MIB1: variants seen among roughly 807,000 people sequenced by gnomAD.
MIB1 encodes the protein E3 ubiquitin-protein ligase MIB1.
MIB1 carries 278 observed loss-of-function variants against 124.5 expected under a neutral mutation model. That is an observed-to-expected ratio of 2.23 (90% CI 2.02 to 2.47). MIB1 has a LOEUF of 2.47. Ranked by LOEUF, MIB1 falls within the 30% of genes most tolerant of loss-of-function variation. MIB1 has a pLI of 0.00. For missense variants in MIB1, 957 were observed against 1,254.4 expected (o/e 0.76, Z 3.58); for synonymous variants, 446 against 429.4 (o/e 1.04, Z -0.48).
intron 7 of MIB1, among the ~76,000 whole-genome samples, chr18:21,792,744 G>A (rs889076928): frequency 6.6e-6 from 1 of 152,144 alleles, no homozygotes; most frequent in Non-Finnish European, 1.5e-5. Context: ...TAAAGATGAG[G>A]AAATCAGAGG....
Position 21,761,435 on chromosome 18 carries a change from T to A in MIB1, c.230-4337T>A, listed in dbSNP as rs74566414. On this transcript the variant is annotated intron_variant, in intron 1 of 20. Coordinates refer to ENST00000261537, the MANE Select transcript of MIB1 (RefSeq NM_020774.4). ...CTGAAATACAGGTATACCTCTGTTTTATATAGGCATTATACACAGTTCTAT... is the reference window on the plus strand; with the variant it reads ...CTGAAATACAGGTATACCTCTGTTTAATATAGGCATTATACACAGTTCTAT... 7.3e-3 allele frequency among the ~76,000 whole-genome samples: 1,111 copies of A among 152,300 alleles called. 14 individuals carry two copies. Among genetic ancestry groups the A allele is most frequent in the African/African-American group, 0.025 (1,046 of 41,554 alleles).
At chr18:21,821,137 A>G (rs1158410850) in intron 12 of MIB1, among the ~76,000 whole-genome samples, 1 of 152,108 alleles carries the variant, frequency 6.6e-6, no homozygotes, top group Non-Finnish European at 1.5e-5. Context: ...TACTCACCAC[A>G]TTTACCTAGA....
Position 21,799,923 on chromosome 18 carries a change from C to T in MIB1, c.1320C>T (p.Ala440=), listed in dbSNP as rs2146454635. 1 of 1,612,198 alleles carries T rather than the reference C, an allele frequency of 6.2e-7. No individual in the cohort carries two copies. The highest frequency in any genetic ancestry group is 8.5e-7 in the Non-Finnish European group (1 of 1,178,714). Residue 440 remains alanine (A), a synonymous_variant, in exon 9 of 21, where the codon GCC becomes GCT. Coordinates refer to ENST00000261537, the MANE Select transcript of MIB1 (RefSeq NM_020774.4). ...DLNEELVKAA[A]NGDVAKVEDL... is the part of the protein sequence containing the mutation. ...ATGAAGAATTAGTTAAGGCTGCTGC[C>T]AATGGAGATGTTGCTAAAGTGGAAG...
At chr18:21,767,287 C>T (rs934702572) in intron 2 of MIB1, among the ~76,000 whole-genome samples, 1 of 152,144 alleles carries the variant, frequency 6.6e-6, no homozygotes, top group Non-Finnish European at 1.5e-5. Flanking sequence ...CAAACACGCC[C>T]TTCCTTCTTC....
At chr18:21,734,138 G>A (rs1306276636) in intron 1 of MIB1, among the ~76,000 whole-genome samples, 3 of 134,346 alleles carry the variant, frequency 2.2e-5, no homozygotes, top group African/African-American at 8.5e-5. Flanking sequence ...ACAGAGTCTC[G>A]CTCTTTCACC....
intron 1 of MIB1, among the ~76,000 whole-genome samples, chr18:21,763,402 C>T (rs1440828953): frequency 1.3e-5 from 2 of 152,182 alleles, no homozygotes; most frequent in African/African-American, 2.4e-5. Context: ...TAAGCAAAGT[C>T]GTTCCTGGTT....
At chr18:21,800,233 T>C (rs1051705019) in intron 9 of MIB1, among the ~76,000 whole-genome samples, 1 of 152,044 alleles carries the variant, frequency 6.6e-6, no homozygotes, top group African/African-American at 2.4e-5. Flanking sequence ...AGTATCCTTT[T>C]GGGAAATTCA....
At chr18:21,837,867 A>G (rs1364646499) in intron 12 of MIB1, among the ~76,000 whole-genome samples, 5 of 152,342 alleles carry the variant, frequency 3.3e-5, no homozygotes, top group Middle Eastern at 3.4e-3. Context: ...TATATAGTGT[A>G]TTAATTATCA....
Position 21,779,519 on chromosome 18 carries a change from A to G in MIB1, c.742A>G (p.Ile248Val), listed in dbSNP as rs757096307. ...CAACAGGAATCCTGGTGGATTGCAG[A>G]TTGGTGACCTGGTAAATATAGATCT... ...NGNRNPGGLQ[I>V]GDLVNIDLDL... The change falls in exon 6 of 21, where the codon ATT becomes GTT. Residue 248 changes from isoleucine (I) to valine (V), a missense_variant. By Grantham distance (29) the Ile-to-Val change is conservative. Coordinates refer to ENST00000261537, the MANE Select transcript of MIB1 (RefSeq NM_020774.4). The G allele has an allele frequency of 6.8e-6, 11 of 1,614,002 alleles. No homozygotes were observed. The highest frequency in any genetic ancestry group is 8.5e-6 in the Non-Finnish European group (10 of 1,179,992).
intron 10 of MIB1, among the ~76,000 whole-genome samples, chr18:21,809,507 A>G (rs1308305275): frequency 1.3e-5 from 2 of 152,072 alleles, no homozygotes; most frequent in Admixed American, 6.6e-5. Context: ...TCCTTAACCA[A>G]ATATTAGTGA....
chr18:21,747,039 G>T (rs767899348), intron 1 of MIB1, among the ~76,000 whole-genome samples: 1 of 152,126 alleles, frequency 6.6e-6, no homozygotes, highest in African/African-American at 2.4e-5. Context: ...ACACAAAGCC[G>T]TAGGAAAAAA....
intron 1 of MIB1, among the ~76,000 whole-genome samples, chr18:21,764,178 C>G (rs966946337): frequency 1.3e-5 from 2 of 152,100 alleles, no homozygotes; most frequent in African/African-American, 4.8e-5. Context: ...GTTGGGGTAT[C>G]AGGCTTTTTT....
At chr18:21,787,521 A>G (rs755031911) in intron 6 of MIB1, among the ~76,000 whole-genome samples, 1 of 152,140 alleles carries the variant, frequency 6.6e-6, no homozygotes, top group Admixed American at 6.5e-5. Flanking sequence ...AGGGAACCCA[A>G]GTTGGTAGGA....
In MIB1 at chr18:21,864,779, A is replaced by C. The variant is rs1290543528; in HGVS notation, c.*113A>C. ...TAATTTCTAATATCATAGTTTCTTT[A>C]CTAGAGTATAATTGGGCTGTAAATG... is the stretch of plus-strand genomic sequence containing the variant. On this transcript the variant is annotated 3_prime_UTR_variant, in exon 21 of 21. Coordinates refer to ENST00000261537, the MANE Select transcript of MIB1 (RefSeq NM_020774.4). 7 of 745,972 alleles carry C rather than the reference A, an allele frequency of 9.4e-6. No homozygotes were observed. 46.2% of individuals were successfully genotyped at this position (745,972 alleles called of 1,614,324 possible). A position where few individuals can be genotyped will look rare whatever the true frequency, so the allele number is the denominator to read the frequency against.
Position 21,837,792 on chromosome 18 carries a change from A to G in MIB1, c.1830-573A>G, listed in dbSNP as rs1309981779. Among the ~76,000 whole-genome samples the G allele has an allele frequency of 2.0e-5, 3 of 152,204 alleles. No individual in the cohort carries two copies. In the East Asian group the frequency reaches 5.8e-4, roughly 29 times the overall value. On this transcript the variant is annotated intron_variant, in intron 12 of 20. Transcript: ENST00000261537. ...TTACCACTTCTAAATGACATATGTC[A>G]AGTTTTAACTTTGCAATTCATGATA...
intron 12 of MIB1, among the ~76,000 whole-genome samples, chr18:21,821,159 T>G (rs2041874359): frequency 6.6e-6 from 1 of 152,214 alleles, no homozygotes; most frequent in African/African-American, 2.4e-5. Flanking sequence ...TATTATACTA[T>G]TCTTCTAATT....
chr18:21,758,050 G>C (rs1015507330), intron 1 of MIB1, among the ~76,000 whole-genome samples: 3 of 152,134 alleles, frequency 2.0e-5, no homozygotes, highest in Non-Finnish European at 4.4e-5. Flanking sequence ...AATGTTGTGT[G>C]ACTTCAGGCA....
intron 6 of MIB1, among the ~76,000 whole-genome samples, chr18:21,780,154 G>A (rs1286422877): frequency 2.0e-5 from 3 of 152,046 alleles, no homozygotes; most frequent in Non-Finnish European, 4.4e-5. Context: ...GGATACATGT[G>A]ATATTTTCAT....
At chr18:21,829,280 C>G (rs982017109) in intron 12 of MIB1, 1 of 315,724 alleles carries the variant, frequency 3.2e-6, no homozygotes, top group Middle Eastern at 1.1e-3. Flanking sequence ...ATAGACATTC[C>G]TAAGCATTTG....
Sources: allele counts gnomAD v4.1 joint callset (sites outside exome capture counted in the v4.1 genomes callset), GRCh38; gene constraint gnomAD v4.1.1; transcripts MANE v1.5; gene names NCBI Gene and HGNC (gene_info 2026-07-23, HGNC 2026-07-21).